The following PRDM5 variants were observed in gnomAD, a reference collection of about 807,000 sequenced individuals.
The protein encoded by PRDM5 is PR domain zinc finger protein 5.
In PRDM5, 56 loss-of-function variants were observed where a neutral mutation model predicts 81.2. The ratio of observed to expected loss-of-function variants is 0.69; its 90% confidence interval spans 0.56 to 0.86. The LOEUF (loss-of-function observed/expected upper bound fraction) is 0.86. PRDM5 is among the 40% of genes least tolerant of loss of function. PRDM5 has a pLI of 0.00. For missense variants in PRDM5, 697 were observed against 770.1 expected, an observed-to-expected ratio of 0.91 and a Z score of 1.12; for synonymous variants, 267 against 256.4, an observed-to-expected ratio of 1.04 and a Z score of -0.39.
intron 3 of PRDM5, among the ~76,000 whole-genome samples, chr4:120,828,456 C>G (rs940296415): frequency 1.6e-4 from 24 of 151,966 alleles, no homozygotes; most frequent in African/African-American, 5.6e-4. Flanking sequence ...AATCTAGAAC[C>G]TGAGGCTAGG....
chr4:120,907,698 C>T (rs1289928592), intron 1 of PRDM5, 141 bp from the exon 2 acceptor site: 6 of 746,654 alleles, frequency 8.0e-6, no homozygotes, highest in Admixed American at 2.1e-5. Flanking sequence ...AACTAATTTA[C>T]CCAACACAAA....
chr4:120,799,651 T>C lies in PRDM5; in HGVS notation c.1030+10A>G, dbSNP rs763646798. The C allele has an allele frequency of 3.1e-6, 5 of 1,611,460 alleles. No individual in the cohort carries two copies. The highest frequency in any genetic ancestry group is 4.5e-5 in the East Asian group (2 of 44,774). On this transcript the variant is annotated intron_variant, in intron 9 of 15. Transcript: ENST00000264808. ...GATATCACTATAAACAAAAAAAGTA[T>C]ATAGTTTACCTGAGTGGGTGATCAT...
intron 13 of PRDM5, among the ~76,000 whole-genome samples, chr4:120,755,952 A>C (rs1744678331): frequency 2.0e-5 from 3 of 152,162 alleles, no homozygotes; most frequent in African/African-American, 7.2e-5. Context: ...AGTAGCAATA[A>C]ACTAAAAACA....
chr4:120,720,980 T>C (rs944240502), intron 14 of PRDM5, among the ~76,000 whole-genome samples: 10 of 152,170 alleles, frequency 6.6e-5, no homozygotes, highest in African/African-American at 2.2e-4. Context: ...TTGCATACAG[T>C]CTTTAAATAG....
chr4:120,780,615 A>C (rs559911965), intron 12 of PRDM5, among the ~76,000 whole-genome samples: 2 of 152,256 alleles, frequency 1.3e-5, no homozygotes, highest in South Asian at 4.2e-4. Flanking sequence ...AAAATCTCCA[A>C]ATCACTATAT....
Position 120,922,691 on chromosome 4 carries a change from G to C in PRDM5, c.-83C>G. 6.6e-7 allele frequency: 1 copy of C among 1,525,364 alleles called. No individual in the cohort carries two copies. Among genetic ancestry groups the C allele is most frequent in the Non-Finnish European group, 8.9e-7 (1 of 1,125,366 alleles). The allele number at this position is 1,525,364 out of a possible 1,614,324, so 94.5% of individuals were successfully genotyped here. ...CGGCACATCGAAATTTGGGGTGCCAGGGTAGAGGGGAGAAACCGGCAGGGA... is the reference window on the plus strand; with the variant it reads ...CGGCACATCGAAATTTGGGGTGCCACGGTAGAGGGGAGAAACCGGCAGGGA... On this transcript the variant is annotated 5_prime_UTR_variant, in exon 1 of 16. Coordinates refer to ENST00000264808, the MANE Select transcript of PRDM5 (RefSeq NM_018699.4).
At chr4:120,863,667 T>G (rs964618293) in intron 2 of PRDM5, among the ~76,000 whole-genome samples, 2 of 152,196 alleles carry the variant, frequency 1.3e-5, no homozygotes, top group Admixed American at 6.5e-5. Context: ...CATTCCCTTT[T>G]GTGGCCAAAA....
At chr4:120,843,696 A>AT (rs1180429553) in intron 3 of PRDM5, among the ~76,000 whole-genome samples, 11 of 151,946 alleles carry the variant, frequency 7.2e-5, no homozygotes, top group Non-Finnish European at 1.5e-4. Context: ...AAAAAAAAAA[A>AT]AAAAAGAAGA....
chr4:120,873,897 T>C (rs1762095026), intron 2 of PRDM5, among the ~76,000 whole-genome samples: 1 of 152,156 alleles, frequency 6.6e-6, no homozygotes, highest in African/African-American at 2.4e-5. Context: ...TAAATAGCTG[T>C]TTTTTTATTA....
chr4:120,895,891 T>C (rs183691153), intron 2 of PRDM5, among the ~76,000 whole-genome samples: 1 of 152,336 alleles, frequency 6.6e-6, no homozygotes, highest in Admixed American at 6.5e-5. Context: ...ATCTCTTCCC[T>C]GAGTCCCATT....
chr4:120,776,087 A>T (rs1339941239), intron 13 of PRDM5, among the ~76,000 whole-genome samples: 1 of 152,066 alleles, frequency 6.6e-6, no homozygotes. Context: ...GCAACACTTG[A>T]TCCTAAAAGC....
chr4:120,753,134 T>C (rs1247427046), intron 14 of PRDM5, among the ~76,000 whole-genome samples: 2 of 152,192 alleles, frequency 1.3e-5, no homozygotes, highest in African/African-American at 4.8e-5. Context: ...TAGTTTCTAT[T>C]AAGAGGAACC....
At chr4:120,848,827 C>T (rs924258076) in intron 3 of PRDM5, among the ~76,000 whole-genome samples, 1 of 152,242 alleles carries the variant, frequency 6.6e-6, no homozygotes. Context: ...TGCATTTTTA[C>T]TTTAGTTTAA....
chr4:120,714,143 TAGC>T (rs1737411169), intron 14 of PRDM5, among the ~76,000 whole-genome samples: 1 of 152,210 alleles, frequency 6.6e-6, no homozygotes, highest in South Asian at 2.1e-4. Context: ...CAACGTGATT[TAGC>T]TTTACACATG....
chr4:120,695,106 C>T lies in PRDM5; in HGVS notation c.*5G>A. ...CTGAATAGTTTAATTCCTTTACAGC[C>T]CCTATTAGCTGTCAGCTACACCATG... is the stretch of plus-strand genomic sequence containing the variant. On this transcript the variant is annotated 3_prime_UTR_variant, in exon 16 of 16. Coordinates refer to ENST00000264808, the MANE Select transcript of PRDM5 (RefSeq NM_018699.4). 1 of 1,610,896 alleles carries T rather than the reference C, an allele frequency of 6.2e-7. No homozygotes were observed. Among genetic ancestry groups the T allele is most frequent in the South Asian group, 1.1e-5 (1 of 91,012 alleles).
intron 2 of PRDM5, among the ~76,000 whole-genome samples, chr4:120,884,321 A>G (rs759935177): frequency 3.9e-5 from 6 of 152,194 alleles, no homozygotes; most frequent in Non-Finnish European, 8.8e-5. Context: ...TGAAAACATA[A>G]CCTGGTTGAT....
chr4:120,748,421 A>T (rs1446044690), intron 14 of PRDM5, among the ~76,000 whole-genome samples: 1 of 152,100 alleles, frequency 6.6e-6, no homozygotes, highest in Non-Finnish European at 1.5e-5. Context: ...AGACCAAAAG[A>T]TCACCTAAGC....
chr4:120,774,497 A>G (rs993902994), intron 13 of PRDM5, among the ~76,000 whole-genome samples: 13 of 152,258 alleles, frequency 8.5e-5, no homozygotes, highest in African/African-American at 3.1e-4. Context: ...CCATGTGATT[A>G]CTGAACCAGG....
intron 10 of PRDM5, among the ~76,000 whole-genome samples, chr4:120,797,746 T>C (rs1480827898): frequency 2.0e-5 from 3 of 152,166 alleles, no homozygotes; most frequent in African/African-American, 7.2e-5. Flanking sequence ...AAATAAATCA[T>C]TTGGAATTCA....
Sources: allele counts gnomAD v4.1 joint callset (sites outside exome capture counted in the v4.1 genomes callset), GRCh38; gene constraint gnomAD v4.1.1; transcripts MANE v1.5; gene names NCBI Gene and HGNC (gene_info 2026-07-23, HGNC 2026-07-21).